Variants in ZFHX3 observed in about 807,000 individuals in gnomAD.
ZFHX3 encodes zinc finger homeobox protein 3.
ZFHX3 carries 42 observed loss-of-function variants against 279.1 expected under a neutral mutation model. The observed-to-expected ratio is 0.15, with a 90% CI of 0.12 to 0.19. The LOEUF is 0.19. ZFHX3 is among the 10% of genes least tolerant of loss of function. The pLI is 1.00. For synonymous variants in ZFHX3, 2,293 were observed against 1,957.8 expected, an observed-to-expected ratio of 1.17 and a Z score of -4.52; for missense variants, 4,981 against 4,754.0, an observed-to-expected ratio of 1.05 and a Z score of -1.40.
chr16:72,816,762 A>G (rs2036618275), intron 5 of ZFHX3, among the ~76,000 whole-genome samples: 1 of 152,190 alleles, frequency 6.6e-6, no homozygotes, highest in South Asian at 2.1e-4. Context: ...ATGATTGTCT[A>G]TTTTATCCTC....
At chr16:72,986,553 T>C (rs1962852203) in intron 1 of ZFHX3, among the ~76,000 whole-genome samples, 1 of 152,134 alleles carries the variant, frequency 6.6e-6, no homozygotes, top group Admixed American at 6.5e-5. Flanking sequence ...AAGGCACCCA[T>C]TTAGTTTTTA....
At chr16:73,427,165 A>C (rs1343605153) in intron 3 of ZFHX3, among the ~76,000 whole-genome samples, 1 of 152,184 alleles carries the variant, frequency 6.6e-6, no homozygotes, top group Non-Finnish European at 1.5e-5. Flanking sequence ...AAAAGAACTA[A>C]ATTTTGTTGC....
At chr16:73,450,831 A>C (rs1352597951) in intron 3 of ZFHX3, among the ~76,000 whole-genome samples, 1 of 152,206 alleles carries the variant, frequency 6.6e-6, no homozygotes, top group Non-Finnish European at 1.5e-5. Flanking sequence ...TTTTTCTCCT[A>C]ATAGTACTAT....
At chr16:73,195,869 A>C (rs1968137238) in intron 5 of ZFHX3, among the ~76,000 whole-genome samples, 1 of 152,192 alleles carries the variant, frequency 6.6e-6, no homozygotes, top group African/African-American at 2.4e-5. Flanking sequence ...TGGTTGCAGA[A>C]GAGATGGATT....
intron 1 of ZFHX3, among the ~76,000 whole-genome samples, chr16:73,696,241 G>C (rs2053196577): frequency 6.6e-6 from 1 of 152,208 alleles, no homozygotes; most frequent in African/African-American, 2.4e-5. Context: ...AAACGAACAA[G>C]TCAGGCAGAG....
chr16:73,324,426 C>G (rs1258881523), intron 3 of ZFHX3, among the ~76,000 whole-genome samples: 1 of 152,198 alleles, frequency 6.6e-6, no homozygotes, highest in Admixed American at 6.5e-5. Context: ...AAGGGCTGTA[C>G]TGCCCAGCTC....
intron 3 of ZFHX3, among the ~76,000 whole-genome samples, chr16:73,437,551 T>G (rs1368859506): frequency 6.6e-6 from 1 of 152,156 alleles, no homozygotes; most frequent in East Asian, 1.9e-4. Context: ...CCCCAAAGAT[T>G]TTTACCTCAT....
chr16:73,013,324 G>C (rs528394859), intron 1 of ZFHX3, among the ~76,000 whole-genome samples: 1 of 152,260 alleles, frequency 6.6e-6, no homozygotes, highest in Admixed American at 6.5e-5. Flanking sequence ...GTCTTGCTCT[G>C]TCGCCCAGGT....
intron 1 of ZFHX3, among the ~76,000 whole-genome samples, chr16:73,056,887 G>C (rs928024179): frequency 6.6e-6 from 1 of 152,208 alleles, no homozygotes; most frequent in African/African-American, 2.4e-5. Flanking sequence ...AGGAAAAAAA[G>C]TAATTTTTTA....
At chr16:72,909,002 C>G (rs1482509313) in intron 3 of ZFHX3, among the ~76,000 whole-genome samples, 1 of 152,190 alleles carries the variant, frequency 6.6e-6, no homozygotes, top group African/African-American at 2.4e-5. Context: ...AAATGACTAG[C>G]AGTACATTAG....
chr16:73,047,616 G>A (rs1965345490), intron 1 of ZFHX3, 136 bp downstream of exon 1: 3 of 152,706 alleles, frequency 2.0e-5, no homozygotes, highest in Non-Finnish European at 4.4e-5. Context: ...GTGGCAACTG[G>A]AGTCTGGGAG....
chr16:73,525,790 T>G (rs541145043), intron 2 of ZFHX3, among the ~76,000 whole-genome samples: 35 of 152,230 alleles, frequency 2.3e-4, no homozygotes, highest in Non-Finnish European at 2.9e-4. Context: ...AACCTTTTAA[T>G]ATTTCTAGTA....
At chr16:73,191,679 C>A (rs1968039714) in intron 5 of ZFHX3, among the ~76,000 whole-genome samples, 1 of 152,158 alleles carries the variant, frequency 6.6e-6, no homozygotes, top group Non-Finnish European at 1.5e-5. Context: ...CTCTCTGGTC[C>A]CCTCTCACCC....
intron 2 of ZFHX3, among the ~76,000 whole-genome samples, chr16:73,643,740 T>C (rs1349611208): frequency 1.3e-5 from 2 of 152,180 alleles, no homozygotes; most frequent in Non-Finnish European, 2.9e-5. Flanking sequence ...CTCTGCCAAG[T>C]CTTTTCTCCC....
intron 1 of ZFHX3, among the ~76,000 whole-genome samples, chr16:73,004,321 C>CTTTTT (rs34987461): frequency 8.4e-4 from 44 of 52,114 alleles, no homozygotes; most frequent in Non-Finnish European, 9.9e-4. Flanking sequence ...ATGCATCAAT[C>CTTTTT]TTTTTTTTTT....
chr16:73,066,487 G>A (rs1965755573), intron 8 of ZFHX3, among the ~76,000 whole-genome samples: 1 of 152,160 alleles, frequency 6.6e-6, no homozygotes, highest in African/African-American at 2.4e-5. Flanking sequence ...CCGGCTCCCC[G>A]GAGACACCGG....
At chr16:73,862,071 GT>G (rs1961895218) in intron 1 of ZFHX3, among the ~76,000 whole-genome samples, 3 of 152,116 alleles carry the variant, frequency 2.0e-5, no homozygotes, top group South Asian at 2.1e-4. Context: ...AGATTCTTTA[GT>G]TTGTTTAGGG....
At chr16:73,737,027 C>G (rs929169762) in intron 1 of ZFHX3, among the ~76,000 whole-genome samples, 3 of 152,034 alleles carry the variant, frequency 2.0e-5, no homozygotes, top group African/African-American at 7.3e-5. Flanking sequence ...TTCTGTGACT[C>G]CATTCTTTTT....
intron 1 of ZFHX3, among the ~76,000 whole-genome samples, chr16:73,811,932 G>A (rs941122839): frequency 1.3e-5 from 2 of 152,164 alleles, no homozygotes; most frequent in African/African-American, 4.8e-5. Context: ...TGTGGAGACT[G>A]TGCTGAACTT....
Sources: gnomAD v4.1 joint callset for allele counts (sites outside exome capture counted in the v4.1 genomes callset) on GRCh38, gnomAD v4.1.1 for gene constraint, MANE v1.5 for transcripts, NCBI Gene and HGNC (gene_info 2026-07-23, HGNC 2026-07-21) for gene names.